The following DCC variants were observed in gnomAD, a reference collection of about 807,000 sequenced individuals.
DCC encodes netrin receptor DCC.
A neutral mutation model predicts 172.5 loss-of-function variants in DCC; 58 were observed. That is an observed-to-expected ratio of 0.34 (90% CI 0.27 to 0.42). The LOEUF (loss-of-function observed/expected upper bound fraction) is 0.42, where lower values mean the gene tolerates loss of function less well. Ranked by LOEUF, DCC falls within the 10% of genes least tolerant of loss-of-function variation. The pLI, the probability that DCC is intolerant of heterozygous loss-of-function variation, is 1.00. For missense variants in DCC, 1,740 were observed against 1,791.0 expected, an observed-to-expected ratio of 0.97 and a Z score of 0.51; for synonymous variants, 709 against 644.5, an observed-to-expected ratio of 1.10 and a Z score of -1.52.
At chr18:52,799,878 TG>T in intron 2 of DCC, among the ~76,000 whole-genome samples, 1 of 152,348 alleles carries the variant, frequency 6.6e-6, no homozygotes, top group African/African-American at 2.4e-5. Flanking sequence ...TTGGCTAGTT[TG>T]TTGTTGGGTG....
intron 5 of DCC, among the ~76,000 whole-genome samples, chr18:52,999,051 G>A (rs914292655): frequency 3.3e-5 from 5 of 152,064 alleles, no homozygotes; most frequent in Non-Finnish European, 7.4e-5. Flanking sequence ...TTGGGGCTAT[G>A]GACACAGTGA....
intron 15 of DCC, among the ~76,000 whole-genome samples, chr18:53,363,580 G>A (rs2057971785): frequency 6.6e-6 from 1 of 152,018 alleles, no homozygotes; most frequent in Non-Finnish European, 1.5e-5. Flanking sequence ...TTCCTCACCG[G>A]CATAGACATT....
intron 24 of DCC, among the ~76,000 whole-genome samples, chr18:53,463,682 A>G (rs886323617): frequency 2.6e-5 from 4 of 152,200 alleles, no homozygotes; most frequent in Non-Finnish European, 5.9e-5. Flanking sequence ...GAAGGGTTAA[A>G]TAATGTGCCC....
chr18:52,587,499 T>C (rs1025449160), intron 1 of DCC, among the ~76,000 whole-genome samples: 2 of 152,178 alleles, frequency 1.3e-5, no homozygotes, highest in African/African-American at 4.8e-5. Flanking sequence ...GAGAAGTCCA[T>C]CCACAAACCT....
At chr18:52,475,740 G>A (rs189478532) in intron 1 of DCC, among the ~76,000 whole-genome samples, 1 of 152,096 alleles carries the variant, frequency 6.6e-6, no homozygotes, top group Non-Finnish European at 1.5e-5. Context: ...TTAAGGACAG[G>A]CATGAAGAAC....
intron 5 of DCC, among the ~76,000 whole-genome samples, chr18:52,952,594 C>T (rs1598964589): frequency 6.6e-6 from 1 of 152,166 alleles, no homozygotes; most frequent in Admixed American, 6.5e-5. Flanking sequence ...TCAAGTACCC[C>T]CTTTTGTCTG....
intron 2 of DCC, among the ~76,000 whole-genome samples, chr18:52,789,832 A>G (rs2037726296): frequency 6.6e-6 from 1 of 152,182 alleles, no homozygotes; most frequent in African/African-American, 2.4e-5. Context: ...TTTACAGTTT[A>G]TAGTCCAAAA....
chr18:52,505,057 T>A (rs982984), intron 1 of DCC, among the ~76,000 whole-genome samples: 152,294 of 152,300 alleles, frequency 1, 76,144 homozygotes, highest in Middle Eastern at 1. Flanking sequence ...CAAGAGTTTT[T>A]ACAGAGCACC....
At chr18:53,385,451 A>G (rs1024741199) in intron 15 of DCC, among the ~76,000 whole-genome samples, 2 of 152,070 alleles carry the variant, frequency 1.3e-5, no homozygotes, top group African/African-American at 2.4e-5. Context: ...CTTCTCCCCT[A>G]CTTTTAACTG....
At chr18:53,385,222 T>C (rs907176313) in intron 15 of DCC, among the ~76,000 whole-genome samples, 4 of 152,186 alleles carry the variant, frequency 2.6e-5, no homozygotes, top group Admixed American at 6.5e-5. Context: ...AGGTTACAAG[T>C]AGAATCTGGA....
intron 12 of DCC, among the ~76,000 whole-genome samples, chr18:53,247,071 C>A (rs933564165): frequency 6.6e-6 from 1 of 152,060 alleles, no homozygotes; most frequent in Non-Finnish European, 1.5e-5. Context: ...GAGCATTACA[C>A]TTCTACTGAA....
At chr18:52,904,748 C>A (rs533799222) in intron 2 of DCC, among the ~76,000 whole-genome samples, 1 of 152,258 alleles carries the variant, frequency 6.6e-6, no homozygotes, top group Admixed American at 6.5e-5. Flanking sequence ...GAACCCCAGA[C>A]TGATGAATGG....
At chr18:53,221,043 T>C (rs2055924809) in intron 12 of DCC, among the ~76,000 whole-genome samples, 1 of 152,168 alleles carries the variant, frequency 6.6e-6, no homozygotes, top group Admixed American at 6.5e-5. Flanking sequence ...AGATTGTGTT[T>C]GGTCTATAAT....
intron 5 of DCC, among the ~76,000 whole-genome samples, chr18:52,938,221 T>G (rs1402933258): frequency 6.6e-6 from 1 of 152,072 alleles, no homozygotes; most frequent in African/African-American, 2.4e-5. Flanking sequence ...AAAAAATCTG[T>G]GATAAAGATT....
At chr18:52,845,416 T>C (rs192548581) in intron 2 of DCC, among the ~76,000 whole-genome samples, 4 of 152,354 alleles carry the variant, frequency 2.6e-5, no homozygotes, top group East Asian at 1.9e-4. Flanking sequence ...GCCATCATAA[T>C]GCAATGCCTA....
chr18:52,944,125 A>T (rs2040504427), intron 5 of DCC, among the ~76,000 whole-genome samples: 1 of 152,192 alleles, frequency 6.6e-6, no homozygotes, highest in East Asian at 1.9e-4. Flanking sequence ...AGTAAAATAA[A>T]AAATCATTCT....
At chr18:53,025,795 T>TACACACACACAC (rs34351949) in intron 5 of DCC, among the ~76,000 whole-genome samples, 123 of 141,604 alleles carry the variant, frequency 8.7e-4, no homozygotes, top group Admixed American at 2.1e-3. Context: ...AAAACTATGA[T>TACACACACACAC]ACACACACAC....
At chr18:53,015,828 G>A (rs1485001677) in intron 5 of DCC, among the ~76,000 whole-genome samples, 2 of 151,950 alleles carry the variant, frequency 1.3e-5, no homozygotes, top group Non-Finnish European at 2.9e-5. Flanking sequence ...CAAGGATTAA[G>A]AAAATTCCAT....
intron 1 of DCC, among the ~76,000 whole-genome samples, chr18:52,635,643 C>T (rs1487839887): frequency 2.6e-5 from 4 of 152,066 alleles, no homozygotes; most frequent in African/African-American, 9.7e-5. Context: ...ACATAAGAAT[C>T]GAGTCTTTAT....
Sources: allele counts gnomAD v4.1 joint callset (sites outside exome capture counted in the v4.1 genomes callset), GRCh38; gene constraint gnomAD v4.1.1; transcripts MANE v1.5; gene names NCBI Gene and HGNC (gene_info 2026-07-23, HGNC 2026-07-21).